Variants in MUC12 observed in about 807,000 individuals in gnomAD.
The protein encoded by MUC12 is mucin-12.
A neutral mutation model predicts 230.8 loss-of-function variants in MUC12; 172 were observed. The observed-to-expected ratio is 0.75, with a 90% confidence interval of 0.66 to 0.85. MUC12 has a LOEUF of 0.85. Ranked by LOEUF, MUC12 falls within the 40% of genes least tolerant of loss-of-function variation. The pLI, the probability that MUC12 is intolerant of heterozygous loss-of-function variation, is 0.00. For missense variants in MUC12, 3,506 were observed against 5,920.6 expected (o/e 0.59, Z 13.38); for synonymous variants, 1,259 against 2,401.9 (o/e 0.52, Z 13.91).
At position 101,004,695 on chromosome 7, in the gene MUC12, C is replaced by A; in HGVS notation, c.14132C>A (p.Ser4711Tyr). The change falls in exon 2 of 12, where the codon TCT becomes TAT. Residue 4711 changes from serine to tyrosine, a missense_variant. Physicochemically the swap from Ser to Tyr is moderately radical, Grantham distance 144. Coordinates refer to ENST00000536621, the MANE Select transcript of MUC12 (RefSeq NM_001164462.2). ...HFTTSGRIAE[S>Y]TTFYISPGSM... is the part of the protein sequence containing the mutation. ...ACTACCTCAGGCCGCATTGCAGAAT[C>A]TACCACCTTCTATATCTCTCCAGGC... 4.6e-6 allele frequency: 7 copies of A among 1,537,892 alleles called. No homozygotes were observed. The highest frequency in any genetic ancestry group is 1.4e-5 in the African/African-American group (1 of 73,144).
At chr7:101,013,656 G>A (rs1326349194) in intron 8 of MUC12, among the ~76,000 whole-genome samples, 1 of 152,102 alleles carries the variant, frequency 6.6e-6, no homozygotes, top group Non-Finnish European at 1.5e-5. Flanking sequence ...TACGTGTCTG[G>A]GACGAGACAC....
intron 1 of MUC12, among the ~76,000 whole-genome samples, chr7:100,986,686 G>A (rs1192864663): frequency 2.0e-5 from 3 of 152,140 alleles, no homozygotes; most frequent in Admixed American, 2.0e-4. Flanking sequence ...GATGGCAGAG[G>A]GTGCCTCTGC....
Position 101,008,772 on chromosome 7 carries a change from G to C in MUC12, c.15186+11G>C, listed in dbSNP as rs1415655406. ...CTCTTCAAGAATCGGGTAAGACCAG[G>C]GCACACCCAGACACCCCAGGGTGAT... On this transcript the variant is annotated intron_variant, in intron 4 of 11. Transcript: ENST00000536621. 1 of 1,535,628 alleles carries C rather than the reference G, an allele frequency of 6.5e-7. No homozygotes were observed. Among genetic ancestry groups the C allele is most frequent in the Non-Finnish European group, 8.7e-7 (1 of 1,146,160 alleles).
chr7:101,015,290 C>A, intron 9 of MUC12: 1 of 327,614 alleles, frequency 3.1e-6, no homozygotes, highest in East Asian at 6.5e-5. Context: ...ATAAGATGCA[C>A]CTGTGAAGGT....
chr7:100,990,118 T>C (rs1304681933), intron 1 of MUC12, among the ~76,000 whole-genome samples: 1 of 152,188 alleles, frequency 6.6e-6, no homozygotes, highest in Non-Finnish European at 1.5e-5. Flanking sequence ...CCCAACCCCC[T>C]GGCCCCAGAC....
chr7:100,990,483 T>A (rs1793262611), intron 1 of MUC12, 148 bp from the exon 2 acceptor site: 5 of 941,830 alleles, frequency 5.3e-6, no homozygotes, highest in Non-Finnish European at 7.8e-6. Flanking sequence ...AACTGACACT[T>A]CCTATGCCCC....
chr7:101,012,787 A>C (rs762105672), intron 6 of MUC12, 32 bp from the exon 7 acceptor site: 88 of 1,532,562 alleles, frequency 5.7e-5, no homozygotes, highest in Non-Finnish European at 7.5e-5. Flanking sequence ...AAGTGTTTCT[A>C]TTCCATCTTC....
At chr7:100,975,160 G>GA (rs1187634441) in intron 1 of MUC12, among the ~76,000 whole-genome samples, 6 of 152,304 alleles carry the variant, frequency 3.9e-5, no homozygotes, top group Non-Finnish European at 8.8e-5. Context: ...ACAAAAGCCA[G>GA]AAAATGCCAG....
rs1584850160 is a variant in MUC12 at position 101,017,677 on chromosome 7, G to C, written c.15966+14G>C. 2 of 1,530,582 alleles carry C rather than the reference G, an allele frequency of 1.3e-6. No individual in the cohort carries two copies. The highest frequency in any genetic ancestry group is 2.4e-5 in the East Asian group (1 of 40,820). 94.8% of individuals were successfully genotyped at this position (1,530,582 alleles called of 1,614,324 possible). A position where few individuals can be genotyped will look rare whatever the true frequency, so the allele number is the denominator to read the frequency against. ...TCTGGCACAGAGGTGACTCAGCTGC[G>C]AGCTGCCCCCACCCCCTGAGGCTGC... is the stretch of plus-strand genomic sequence containing the variant. On this transcript the variant is annotated intron_variant, in intron 11 of 11. Transcript: ENST00000536621.
At chr7:100,970,124 G>C (rs577868812) in intron 1 of MUC12, among the ~76,000 whole-genome samples, 1 of 152,424 alleles carries the variant, frequency 6.6e-6, no homozygotes, top group South Asian at 2.1e-4. Context: ...GAGTCCAGAG[G>C]GGTGTGTGAC....
intron 1 of MUC12, among the ~76,000 whole-genome samples, chr7:100,974,003 G>T (rs1251779225): frequency 4.0e-5 from 6 of 151,870 alleles, no homozygotes; most frequent in African/African-American, 1.5e-4. Flanking sequence ...AAAAAAATTA[G>T]CCAGTCATAG....
In MUC12 at chr7:100,990,692, C is replaced by A. The variant is rs572394250; in HGVS notation, c.129C>A (p.Ser43Arg). 2 of 1,537,852 alleles carry A rather than the reference C, an allele frequency of 1.3e-6. No homozygotes were observed. The highest frequency in any genetic ancestry group is 2.4e-5 in the South Asian group (2 of 84,064). ...NTTSASTPSS[S>R]DPFTTFSDYG... The stretch of plus-strand genomic sequence containing the variant: ...CTTCTGCATCCACACCCAGTTCAAG[C>A]GACCCTTTTACCACCTTTAGTGACT... Residue 43 changes from serine (S) to arginine (R), a missense_variant, in exon 2 of 12, where the codon AGC (serine) becomes AGA (arginine). Ser to Arg is a moderately radical substitution (Grantham distance 110). Transcript: ENST00000536621.
rs1264269995 is a variant in MUC12 at position 100,991,558 on chromosome 7, C to T, written c.995C>T (p.Pro332Leu). The T allele has an allele frequency of 5.9e-6, 9 of 1,537,244 alleles. No homozygotes were observed. The East Asian group carries it at 1.7e-4, about 29-fold the overall frequency. Residue 332 changes from proline (P) to leucine (L), a missense_variant, in exon 2 of 12, where the codon CCA becomes CTA. Physicochemically the swap from Pro to Leu is moderately conservative, Grantham distance 98 (BLOSUM62 -3). Transcript: ENST00000536621. ...TTLGHSEESTPVHSSPVATAT... is the reference protein window; with the variant it reads ...TTLGHSEESTLVHSSPVATAT... ...TTGGGCCATAGTGAGGAATCGACAC[C>T]AGTCCACAGCAGCCCAGTTGCAACT...
intron 1 of MUC12, among the ~76,000 whole-genome samples, chr7:100,983,101 C>T (rs1004129131): frequency 5.3e-5 from 8 of 151,760 alleles, no homozygotes; most frequent in Non-Finnish European, 1.2e-4. Context: ...AATTATTTAT[C>T]CTTAGAACCT....
intron 1 of MUC12, among the ~76,000 whole-genome samples, chr7:100,981,930 G>A (rs1386305128): frequency 6.8e-6 from 1 of 148,076 alleles, no homozygotes; most frequent in Non-Finnish European, 1.5e-5. Context: ...GCAGTGGTGC[G>A]ATCTCAGCTC....
chr7:100,991,980 G>C lies in MUC12; in HGVS notation c.1417G>C (p.Gly473Arg), dbSNP rs1793324072. Reference sequence around the variant, plus strand: ...CTCGACGCCCTCACCCATCAGTTCAGGCTCAATGGAAACCACAGCGTTACC... The same window carrying C: ...CTCGACGCCCTCACCCATCAGTTCACGCTCAATGGAAACCACAGCGTTACC... ...GDSTPSPISSGSMETTALPGS... is the reference protein window; with the variant it reads ...GDSTPSPISSRSMETTALPGS... The change falls in exon 2 of 12, where the codon GGC becomes CGC. Residue 473 changes from glycine to arginine, a missense_variant. By Grantham distance (125) the Gly-to-Arg change is moderately radical. Transcript: ENST00000536621. 1 of 1,537,942 alleles carries C rather than the reference G, an allele frequency of 6.5e-7. No homozygotes were observed.
rs1156238488 is a variant in MUC12 at position 101,006,488 on chromosome 7, C to A, written c.14974C>A (p.Gln4992Lys). The A allele has an allele frequency of 6.5e-7, 1 of 1,537,018 alleles. No homozygotes were observed. The highest frequency in any genetic ancestry group is 2.4e-5 in the East Asian group (1 of 40,930). ...CTCCACAGGGTTGTGCCAGGAAGGA[C>A]AAATTTGGAATGGAAAACAATGCGT... ...TLAPGLCQEG[Q>K]IWNGKQCVCP... The change falls in exon 3 of 12, where the codon CAA (glutamine) becomes AAA (lysine). Residue 4992 changes from glutamine (Q) to lysine (K), a missense_variant. By Grantham distance (53) the Gln-to-Lys change is moderately conservative. Transcript: ENST00000536621.
In MUC12 at chr7:101,004,403, A is replaced by G. The variant is rs779910020; in HGVS notation, c.13840A>G (p.Thr4614Ala). ...AYHSSPGSTQ[T>A]MHFPESSTAS... Reference sequence around the variant, plus strand: ...CCACAGCAGCCCGGGCTCAACTCAAACAATGCACTTCCCTGAAAGCTCCAC... The same window carrying G: ...CCACAGCAGCCCGGGCTCAACTCAAGCAATGCACTTCCCTGAAAGCTCCAC... The change falls in exon 2 of 12, where the codon ACA becomes GCA. Residue 4614 changes from threonine (T) to alanine (A), a missense_variant. Thr to Ala is a moderately conservative substitution (Grantham distance 58). Coordinates refer to ENST00000536621, the MANE Select transcript of MUC12 (RefSeq NM_001164462.2). The G allele has an allele frequency of 4.6e-6, 7 of 1,506,558 alleles. No individual in the cohort carries two copies. Among genetic ancestry groups the G allele is most frequent in the African/African-American group, 1.6e-5 (1 of 64,356 alleles). 93.3% of individuals were successfully genotyped at this position (1,506,558 alleles called of 1,614,324 possible).
In MUC12 at chr7:100,991,678, A is replaced by G. The variant is rs1231159324; in HGVS notation, c.1115A>G (p.His372Arg). 2 of 1,537,622 alleles carry G rather than the reference A, an allele frequency of 1.3e-6. No homozygotes were observed. Among genetic ancestry groups the G allele is most frequent in the East Asian group, 4.9e-5 (2 of 40,912 alleles). The change falls in exon 2 of 12, where the codon CAC becomes CGC. Residue 372 changes from histidine (H) to arginine (R), a missense_variant. His to Arg is a conservative substitution (Grantham distance 29). Coordinates refer to ENST00000536621, the MANE Select transcript of MUC12 (RefSeq NM_001164462.2). The stretch of plus-strand genomic sequence containing the variant: ...AGCCCGGGCTCAACTCAAACAATGC[A>G]CTTCCCTGAAAGCTCCACAACTTCA... ...HRSPGSTQTM[H>R]FPESSTTSGH... is the part of the protein sequence containing the mutation.
Sources: allele counts gnomAD v4.1 joint callset (sites outside exome capture counted in the v4.1 genomes callset), GRCh38; gene constraint gnomAD v4.1.1; transcripts MANE v1.5; gene names NCBI Gene and HGNC (gene_info 2026-07-23, HGNC 2026-07-21).